CXCL13: variants seen among roughly 807,000 people sequenced by gnomAD.
CXCL13 encodes C-X-C motif chemokine ligand 13, also known as C-X-C motif chemokine 13.
A neutral mutation model predicts 12.2 loss-of-function variants in CXCL13; 7 were observed. The ratio of observed to expected loss-of-function variants is 0.57; its 90% CI spans 0.33 to 1.07. CXCL13 has a LOEUF of 1.07. Ranked by LOEUF, CXCL13 falls within the 50% of genes least tolerant of loss-of-function variation. The probability of loss-of-function intolerance (pLI) is 0.04; values close to 1 mark genes in which losing one functional copy is unlikely to be tolerated. For missense variants in CXCL13, 113 were observed against 127.4 expected (o/e 0.89, Z 0.55); for synonymous variants, 47 against 42.4 (o/e 1.11, Z -0.42).
At position 77,584,111 on chromosome 4, in the gene CXCL13, C is replaced by T. The variant is rs547616112; in HGVS notation, c.-42-21713C>T. 8.5e-5 allele frequency among the ~76,000 whole-genome samples: 13 copies of T among 152,298 alleles called. No homozygotes were observed. The South Asian group carries it at 2.1e-3, about 24-fold the overall frequency. On this transcript the variant is annotated intron_variant, in intron 1 of 4. Coordinates refer to the CXCL13 transcript ENST00000286758. ...TCCATTCCATGCCATTGATTTAGGACATTGCATTCAAGTGTAGGGCCAAAG... is the reference window on the plus strand; with the variant it reads ...TCCATTCCATGCCATTGATTTAGGATATTGCATTCAAGTGTAGGGCCAAAG...
intron 1 of CXCL13, among the ~76,000 whole-genome samples, chr4:77,514,796 AG>A (rs1724374374): frequency 6.6e-6 from 1 of 151,962 alleles, no homozygotes; most frequent in African/African-American, 2.4e-5. Flanking sequence ...GCTGTGCAGA[AG>A]CTCTTTAGTT....
intron 1 of CXCL13, among the ~76,000 whole-genome samples, chr4:77,563,805 A>G (rs557241501): frequency 1.2e-4 from 19 of 152,288 alleles, no homozygotes; most frequent in Admixed American, 3.9e-4. Context: ...TTTTTATATA[A>G]CTGTCTTCTA....
At chr4:77,524,212 G>C (rs1233351377) in intron 1 of CXCL13, among the ~76,000 whole-genome samples, 2 of 152,204 alleles carry the variant, frequency 1.3e-5, no homozygotes, top group Non-Finnish European at 2.9e-5. Flanking sequence ...GAGGTAGTCT[G>C]TCCATTCTCA....
chr4:77,578,935 G>C (rs1726254878), intron 1 of CXCL13, among the ~76,000 whole-genome samples: 1 of 152,236 alleles, frequency 6.6e-6, no homozygotes, highest in Non-Finnish European at 1.5e-5. Flanking sequence ...TGGCCAGTAA[G>C]ATGTAAGCAG....
At chr4:77,593,988 G>C (rs1427955975) in intron 1 of CXCL13, among the ~76,000 whole-genome samples, 1 of 152,212 alleles carries the variant, frequency 6.6e-6, no homozygotes, top group African/African-American at 2.4e-5. Flanking sequence ...GCAGCAAAAG[G>C]TCAGCATTGC....
At chr4:77,547,032 C>T (rs1725384068) in intron 1 of CXCL13, among the ~76,000 whole-genome samples, 1 of 152,170 alleles carries the variant, frequency 6.6e-6, no homozygotes, top group South Asian at 2.1e-4. Context: ...TGTTCAGTTT[C>T]CATGTAGTTG....
At chr4:77,551,394 G>A (rs574582368) in intron 1 of CXCL13, among the ~76,000 whole-genome samples, 9 of 152,296 alleles carry the variant, frequency 5.9e-5, no homozygotes, top group African/African-American at 2.2e-4. Context: ...AGTTTGGTGG[G>A]ATAAGAAATT....
At chr4:77,556,354 G>T (rs1021427005) in intron 1 of CXCL13, among the ~76,000 whole-genome samples, 1 of 152,116 alleles carries the variant, frequency 6.6e-6, no homozygotes, top group African/African-American at 2.4e-5. Flanking sequence ...AAGAATACAT[G>T]CTGCATAATT....
intron 1 of CXCL13, among the ~76,000 whole-genome samples, chr4:77,557,534 C>T (rs1350236828): frequency 6.6e-6 from 1 of 152,198 alleles, no homozygotes; most frequent in Non-Finnish European, 1.5e-5. Context: ...CTCAGGGACA[C>T]TGTTTTCTAT....
intron 1 of CXCL13, among the ~76,000 whole-genome samples, chr4:77,538,721 A>T (rs1401788650): frequency 6.6e-6 from 1 of 152,198 alleles, no homozygotes; most frequent in African/African-American, 2.4e-5. Flanking sequence ...ATCTGAGCTC[A>T]GTACTGGGGG....
chr4:77,570,330 A>G (rs1035235888), intron 1 of CXCL13, among the ~76,000 whole-genome samples: 1 of 152,252 alleles, frequency 6.6e-6, no homozygotes, highest in Non-Finnish European at 1.5e-5. Context: ...GTAAACAGAC[A>G]GCCTACATAA....
chr4:77,610,626 G>A lies in CXCL13; in HGVS notation c.210G>A (p.Lys70=), dbSNP rs1560539837. ...CPRKEIIVWK[K]NKSIVCVDPQ... Reference sequence around the variant, plus strand: ...TATTTTCCCCCAGAGTCTGGAAGAAGAACAAGTCAATTGTGTGTGTGGACC... The same window carrying A: ...TATTTTCCCCCAGAGTCTGGAAGAAAAACAAGTCAATTGTGTGTGTGGACC... Residue 70 remains lysine, a synonymous_variant, in exon 3 of 4, where the codon AAG becomes AAA. Transcript: ENST00000682537. 6.2e-7 allele frequency: 1 copy of A among 1,611,920 alleles called. No individual in the cohort carries two copies. The highest frequency in any genetic ancestry group is 8.5e-7 in the Non-Finnish European group (1 of 1,178,036).
chr4:77,513,417 A>T (rs1043910006), intron 1 of CXCL13, among the ~76,000 whole-genome samples: 3 of 149,974 alleles, frequency 2.0e-5, no homozygotes, highest in African/African-American at 4.9e-5. Flanking sequence ...AAGCATTCCT[A>T]TTTCTCCACA....
intron 1 of CXCL13, among the ~76,000 whole-genome samples, chr4:77,520,101 T>A (rs1361029005): frequency 6.6e-6 from 1 of 152,240 alleles, no homozygotes; most frequent in Non-Finnish European, 1.5e-5. Flanking sequence ...AGTACCATGC[T>A]GTTTTGGATA....
chr4:77,537,403 T>C (rs1053483609), intron 1 of CXCL13, among the ~76,000 whole-genome samples: 2 of 152,182 alleles, frequency 1.3e-5, no homozygotes, highest in African/African-American at 4.8e-5. Flanking sequence ...CACCTCCAGC[T>C]TGTTGTCAGA....
chr4:77,570,616 G>A (rs1313986413), intron 1 of CXCL13, among the ~76,000 whole-genome samples: 4 of 152,194 alleles, frequency 2.6e-5, no homozygotes, highest in Non-Finnish European at 5.9e-5. Flanking sequence ...CCCTTTCTGG[G>A]CTGGCCAAGG....
intron 1 of CXCL13, among the ~76,000 whole-genome samples, chr4:77,512,858 C>T (rs776028784): frequency 2.0e-5 from 3 of 151,940 alleles, no homozygotes; most frequent in African/African-American, 2.4e-5. Flanking sequence ...ATACATGTGC[C>T]GTGTTGGTGT....
In CXCL13 at chr4:77,583,019, G is replaced by A. The variant is rs574699484; in HGVS notation, c.-42-22805G>A. On this transcript the variant is annotated intron_variant, in intron 1 of 4. Coordinates refer to the CXCL13 transcript ENST00000286758. ...TTATAATAGTCATGCTGTTACTGGG[G>A]TTGAAGCTTTTAATGTAAGCAACAA... Among the ~76,000 whole-genome samples, 8 of 152,280 alleles carry A rather than the reference G, an allele frequency of 5.3e-5. No individual in the cohort carries two copies. The South Asian group carries it at 1.0e-3, about 20-fold the overall frequency.
chr4:77,515,765 T>G (rs923607272), intron 1 of CXCL13, among the ~76,000 whole-genome samples: 17 of 152,216 alleles, frequency 1.1e-4, no homozygotes, highest in African/African-American at 3.9e-4. Context: ...AGGGACAATT[T>G]GACTTCCTCT....
Sources: allele counts gnomAD v4.1 joint callset (sites outside exome capture counted in the v4.1 genomes callset), GRCh38; gene constraint gnomAD v4.1.1; transcripts MANE v1.5; gene names NCBI Gene and HGNC (gene_info 2026-07-23, HGNC 2026-07-21).